The following CACNA2D2 variants were observed in gnomAD, a reference collection of about 807,000 sequenced individuals.
The protein encoded by CACNA2D2 is calcium voltage-gated channel auxiliary subunit alpha2delta 2.
In CACNA2D2, 48 loss-of-function variants were observed where a neutral mutation model predicts 166.4. The observed-to-expected ratio is 0.29, with a 90% CI of 0.23 to 0.37. The LOEUF is 0.37. CACNA2D2 is among the 10% of genes least tolerant of loss of function. CACNA2D2 has a pLI of 1.00. For missense variants in CACNA2D2, 1,122 were observed against 1,433.0 expected (o/e 0.78, Z 3.50); for synonymous variants, 561 against 573.7 (o/e 0.98, Z 0.32).
At chr3:50,388,488 G>A (rs766554310) in intron 4 of CACNA2D2, among the ~76,000 whole-genome samples, 3 of 152,356 alleles carry the variant, frequency 2.0e-5, no homozygotes, top group South Asian at 2.1e-4. Flanking sequence ...AACCTGCAGC[G>A]TGGCCCCAGT....
At chr3:50,429,473 C>G (rs971770994) in intron 3 of CACNA2D2, among the ~76,000 whole-genome samples, 2 of 151,718 alleles carry the variant, frequency 1.3e-5, no homozygotes, top group Admixed American at 6.6e-5. Flanking sequence ...TGAACTCTGG[C>G]CGGGCGCGGT....
At chr3:50,397,357 C>T (rs550013857) in intron 3 of CACNA2D2, among the ~76,000 whole-genome samples, 5 of 152,264 alleles carry the variant, frequency 3.3e-5, no homozygotes, top group Admixed American at 6.5e-5. Context: ...CAGGCAGGCC[C>T]GGTGGTGGGG....
chr3:50,395,615 G>A (rs185099418), intron 3 of CACNA2D2, among the ~76,000 whole-genome samples: 29 of 152,338 alleles, frequency 1.9e-4, no homozygotes, highest in Admixed American at 1.6e-3. Flanking sequence ...CAGAGGGGAC[G>A]TCCTACTAAA....
intron 1 of CACNA2D2, among the ~76,000 whole-genome samples, chr3:50,477,196 T>C (rs1244474205): frequency 6.6e-6 from 1 of 151,992 alleles, no homozygotes; most frequent in African/African-American, 2.4e-5. Context: ...CCCAAAGTGC[T>C]GGGATTATAG....
At chr3:50,468,442 G>GTGTGT (rs1553751798) in intron 2 of CACNA2D2, among the ~76,000 whole-genome samples, 11 of 52,580 alleles carry the variant, frequency 2.1e-4, no homozygotes, top group East Asian at 8.9e-4. Flanking sequence ...TGTGTGTGTG[G>GTGTGT]CTTTAGGAAA....
At chr3:50,384,481 G>A in intron 5 of CACNA2D2, 144 bp from the exon 6 acceptor site, 1 of 982,818 alleles carries the variant, frequency 1.0e-6, no homozygotes, top group Non-Finnish European at 1.5e-6. Context: ...AGGAGACACA[G>A]ATGGAGAGAC....
chr3:50,497,156 C>A (rs1560008918), intron 1 of CACNA2D2, among the ~76,000 whole-genome samples: 1 of 152,300 alleles, frequency 6.6e-6, no homozygotes, highest in East Asian at 1.9e-4. Context: ...CTGGAAGAGA[C>A]AAGGCCCAGC....
intron 5 of CACNA2D2, 50 bp downstream of exon 5, chr3:50,387,518 A>G (rs1355392650): frequency 1.3e-6 from 2 of 1,531,650 alleles, no homozygotes; most frequent in South Asian, 1.1e-5. Context: ...TTTTACAGCC[A>G]AGGCCACCAA....
intron 3 of CACNA2D2, among the ~76,000 whole-genome samples, chr3:50,408,423 G>T (rs1030404936): frequency 6.6e-6 from 1 of 152,226 alleles, no homozygotes; most frequent in Non-Finnish European, 1.5e-5. Context: ...TGGTTGGCCC[G>T]GGGATGATGC....
At chr3:50,478,609 A>G (rs2107102814) in intron 1 of CACNA2D2, among the ~76,000 whole-genome samples, 1 of 152,390 alleles carries the variant, frequency 6.6e-6, no homozygotes, top group South Asian at 2.1e-4. Context: ...ACAAAGAAGC[A>G]AACATTATCA....
At chr3:50,436,550 G>A (rs1413254967) in intron 2 of CACNA2D2, among the ~76,000 whole-genome samples, 5 of 152,158 alleles carry the variant, frequency 3.3e-5, no homozygotes, top group African/African-American at 9.7e-5. Flanking sequence ...ATGAGGCCTT[G>A]GAAGCTGAGA....
At chr3:50,471,040 G>A (rs979389523) in intron 2 of CACNA2D2, among the ~76,000 whole-genome samples, 6 of 152,072 alleles carry the variant, frequency 3.9e-5, no homozygotes, top group Non-Finnish European at 7.4e-5. Flanking sequence ...CCTATCCAGC[G>A]GCATATTTCA....
chr3:50,471,297 T>G (rs1710086058), intron 2 of CACNA2D2, among the ~76,000 whole-genome samples: 1 of 151,954 alleles, frequency 6.6e-6, no homozygotes, highest in Non-Finnish European at 1.5e-5. Context: ...CCTGTACCAG[T>G]GGGGGACCTG....
intron 1 of CACNA2D2, among the ~76,000 whole-genome samples, chr3:50,500,499 CA>C (rs1698916832): frequency 6.6e-6 from 1 of 151,992 alleles, no homozygotes; most frequent in Non-Finnish European, 1.5e-5. Flanking sequence ...AGAAGGGGGA[CA>C]GGGGAAGAGG....
chr3:50,452,241 C>T (rs985464290), intron 2 of CACNA2D2, among the ~76,000 whole-genome samples: 2 of 152,198 alleles, frequency 1.3e-5, no homozygotes, highest in African/African-American at 2.4e-5. Flanking sequence ...CTTGAGAATG[C>T]CTCACAGCCC....
intron 2 of CACNA2D2, among the ~76,000 whole-genome samples, chr3:50,437,336 C>G (rs1207038608): frequency 2.6e-5 from 4 of 152,198 alleles, no homozygotes; most frequent in African/African-American, 9.6e-5. Flanking sequence ...CCCTGCATCC[C>G]CTCCACCTTG....
At chr3:50,388,323 C>T (rs1408628697) in intron 4 of CACNA2D2, among the ~76,000 whole-genome samples, 1 of 152,248 alleles carries the variant, frequency 6.6e-6, no homozygotes, top group Non-Finnish European at 1.5e-5. Flanking sequence ...CTGACAGAGG[C>T]CGCCAGAAGG....
At chr3:50,415,042 G>A (rs968997113) in intron 3 of CACNA2D2, among the ~76,000 whole-genome samples, 2 of 152,206 alleles carry the variant, frequency 1.3e-5, no homozygotes, top group Admixed American at 6.5e-5. Flanking sequence ...AAGGCCTCCC[G>A]GAGAACGCGG....
At chr3:50,473,501 G>A (rs982737977) in intron 2 of CACNA2D2, among the ~76,000 whole-genome samples, 3 of 152,236 alleles carry the variant, frequency 2.0e-5, no homozygotes, top group Admixed American at 6.5e-5. Context: ...GAGGGCTGAG[G>A]AGGGGCAGCC....
Sources: gnomAD v4.1 joint callset for allele counts (sites outside exome capture counted in the v4.1 genomes callset) on GRCh38, gnomAD v4.1.1 for gene constraint, MANE v1.5 for transcripts, NCBI Gene and HGNC (gene_info 2026-07-23, HGNC 2026-07-21) for gene names.